GARIN5B: variants seen among roughly 807,000 people sequenced by gnomAD.
GARIN5B encodes Golgi-associated RAB2 interactor protein 5B.
At chr19:55,361,399 G>A in the GARIN5B span, 8 of 1,528,644 alleles carry the variant, frequency 5.2e-6, no homozygotes, top group Non-Finnish European at 7.0e-6. Context: ...CAAACAGCAG[G>A]GCCTGCTCAC....
At chr19:55,358,713 G>A in the GARIN5B span, 84 of 1,550,758 alleles carry the variant, frequency 5.4e-5, no homozygotes, top group Non-Finnish European at 7.1e-5. Context: ...CAGGAGGGAA[G>A]TGAGACCAAA....
the GARIN5B span, among the ~76,000 whole-genome samples, chr19:55,357,688 C>T: frequency 6.6e-6 from 1 of 152,244 alleles, no homozygotes; most frequent in Non-Finnish European, 1.5e-5. Flanking sequence ...CCACCACCAG[C>T]CCCATGGTCG....
At chr19:55,362,680 G>T in the GARIN5B span, 1 of 1,544,954 alleles carries the variant, frequency 6.5e-7, no homozygotes. Context: ...CACGCCCATG[G>T]CCAGCCGGTT....
chr19:55,358,534 CTG>C, the GARIN5B span: 46 of 33,528 alleles, frequency 1.4e-3, no homozygotes, highest in Non-Finnish European at 1.9e-3. Flanking sequence ...CGCCCCATGG[CTG>C]CTCCTTCATC....
the GARIN5B span, among the ~76,000 whole-genome samples, chr19:55,356,681 G>C: frequency 6.6e-6 from 1 of 152,070 alleles, no homozygotes; most frequent in Non-Finnish European, 1.5e-5. Flanking sequence ...ACCCCTTAAA[G>C]TGGCATTCGG....
the GARIN5B span, chr19:55,359,199 G>A: frequency 1.2e-5 from 18 of 1,551,300 alleles, no homozygotes; most frequent in East Asian, 4.9e-5. Context: ...AGCTTCCCCC[G>A]TGAGGCAGGC....
the GARIN5B span, chr19:55,362,428 C>G: frequency 3.9e-6 from 6 of 1,550,194 alleles, no homozygotes; most frequent in African/African-American, 8.2e-5. Context: ...ACTGGCGGCC[C>G]GAGACCAGGC....
At chr19:55,358,888 G>T in the GARIN5B span, 1 of 1,550,116 alleles carries the variant, frequency 6.5e-7, no homozygotes, top group Non-Finnish European at 8.7e-7. Context: ...TGGATCTCAC[G>T]CCAGGCAGGT....
At chr19:55,356,884 C>G in the GARIN5B span, among the ~76,000 whole-genome samples, 2 of 151,986 alleles carry the variant, frequency 1.3e-5, no homozygotes, top group African/African-American at 4.8e-5. Flanking sequence ...AACTCCGTCT[C>G]CACTAAAAAT....
chr19:55,356,317 C>G, the GARIN5B span, among the ~76,000 whole-genome samples: 1 of 151,874 alleles, frequency 6.6e-6, no homozygotes, highest in African/African-American at 2.4e-5. Context: ...TCAACCAGTC[C>G]TCACATCTCA....
At chr19:55,358,287 G>GCATCCTCATGGGCTCCTGCGA in the GARIN5B span, 1 of 1,550,220 alleles carries the variant, frequency 6.5e-7, no homozygotes, top group African/African-American at 1.4e-5. Flanking sequence ...TGCTGGGCTG[G>GCATCCTCATGGGCTCCTGCGA]CATCCTCATG....
chr19:55,361,671 G>C, the GARIN5B span, among the ~76,000 whole-genome samples: 517 of 59,016 alleles, frequency 8.8e-3, 52 homozygotes, highest in African/African-American at 0.02. Flanking sequence ...CTTGACTCAG[G>C]GGTCCAGGCC....
the GARIN5B span, chr19:55,358,094 T>G: frequency 7.2e-7 from 1 of 1,386,282 alleles, no homozygotes; most frequent in Non-Finnish European, 9.4e-7. Flanking sequence ...ATCATCTCTG[T>G]CTCATAAACA....
the GARIN5B span, chr19:55,358,012 C>T: frequency 9.6e-7 from 1 of 1,040,042 alleles, no homozygotes; most frequent in Non-Finnish European, 1.3e-6. Context: ...CAAGATCATA[C>T]CACCGCACTC....
the GARIN5B span, chr19:55,359,514 C>G: frequency 1.9e-6 from 3 of 1,550,780 alleles, no homozygotes; most frequent in Admixed American, 5.9e-5. Flanking sequence ...ACAGCTGGGG[C>G]CTTCCGGGGA....
the GARIN5B span, chr19:55,362,113 G>T: frequency 1.6e-6 from 2 of 1,261,538 alleles, no homozygotes; most frequent in Admixed American, 3.1e-5. Flanking sequence ...CAGGCCCCCA[G>T]CCCCTCCTCC....
the GARIN5B span, among the ~76,000 whole-genome samples, chr19:55,361,711 C>A: frequency 5.8e-5 from 3 of 51,570 alleles, 1 homozygote; most frequent in African/African-American, 1.5e-4. Context: ...ACCCAGGAGT[C>A]CCCAGCCCCT....
the GARIN5B span, chr19:55,358,302 C>T: frequency 6.5e-7 from 1 of 1,548,568 alleles, no homozygotes. Flanking sequence ...CTCATGGGCT[C>T]CTGCGACACC....
the GARIN5B span, chr19:55,363,192 G>A: frequency 2.5e-5 from 25 of 1,014,212 alleles, no homozygotes; most frequent in Admixed American, 1.2e-4. The surrounding 1 kb of genome is among the most constrained non-coding windows in gnomAD (Gnocchi z 4.0). Context: ...GTTACAGAGC[G>A]TGGAGATGCC....
Sources: gnomAD v4.1 joint callset for allele counts (sites outside exome capture counted in the v4.1 genomes callset) on GRCh38, gnomAD v4.1.1 for gene constraint, Gnocchi (gnomAD v3.1) non-coding constraint, MANE v1.5 for transcripts, NCBI Gene and HGNC (gene_info 2026-07-23, HGNC 2026-07-21) for gene names.